The following PI4K2A variants were observed in gnomAD, a reference collection of about 807,000 sequenced individuals.
The protein encoded by PI4K2A is phosphatidylinositol 4-kinase type 2-alpha.
Under a neutral mutation model 55.0 loss-of-function variants are expected in PI4K2A, and 20 were observed. The ratio of observed to expected loss-of-function variants is 0.36; its 90% CI spans 0.26 to 0.53. The LOEUF is 0.53. PI4K2A is among the 20% of genes least tolerant of loss of function. PI4K2A has a pLI of 0.91. For missense variants in PI4K2A, 463 were observed against 637.1 expected, an observed-to-expected ratio of 0.73 and a Z score of 2.94; for synonymous variants, 235 against 258.5, an observed-to-expected ratio of 0.91 and a Z score of 0.87.
chr10:97,651,225 T>G, intron 2 of PI4K2A, 84 bp downstream of exon 2: 1 of 979,954 alleles, frequency 1.0e-6, no homozygotes, highest in Non-Finnish European at 1.6e-6. Flanking sequence ...AGTGGGACCT[T>G]GGGTCCAGTG....
intron 6 of PI4K2A, 152 bp downstream of exon 6, chr10:97,665,136 G>T: frequency 1.8e-6 from 1 of 556,546 alleles, no homozygotes; most frequent in East Asian, 3.0e-5. Flanking sequence ...GCTGGCATAT[G>T]GCAACTATTT....
At chr10:97,668,980 C>T (rs1224045008) in intron 8 of PI4K2A, among the ~76,000 whole-genome samples, 4 of 152,142 alleles carry the variant, frequency 2.6e-5, no homozygotes, top group Non-Finnish European at 5.9e-5. Context: ...ATTCTCCTGC[C>T]TCAGCCTCCC....
intron 5 of PI4K2A, 42 bp from the exon 6 acceptor site, chr10:97,664,843 G>A (rs373952152): frequency 8.9e-6 from 12 of 1,342,278 alleles, no homozygotes; most frequent in South Asian, 7.0e-5. Context: ...GGGCCTGAGG[G>A]AGATGGGTTT....
chr10:97,640,713 C>G, exon 1 of PI4K2A: 2 of 1,433,172 alleles, frequency 1.4e-6, no homozygotes, highest in South Asian at 2.9e-5. Flanking sequence ...GTGTGGAGCG[C>G]GCCGGGTCCC....
At chr10:97,644,081 T>A (rs986385310) in intron 1 of PI4K2A, among the ~76,000 whole-genome samples, 3 of 152,166 alleles carry the variant, frequency 2.0e-5, no homozygotes, top group African/African-American at 7.2e-5. Context: ...ACAGGTGCGG[T>A]GGCTCACGCC....
chr10:97,673,813 A>G, exon 9 of PI4K2A: 1 of 1,423,864 alleles, frequency 7.0e-7, no homozygotes, highest in East Asian at 2.3e-5. Context: ...GGTGCAGGAA[A>G]AGCCAGAGAA....
chr10:97,646,950 ATT>A (rs552575307), intron 1 of PI4K2A, among the ~76,000 whole-genome samples: 2 of 139,868 alleles, frequency 1.4e-5, no homozygotes, highest in Non-Finnish European at 1.6e-5. Flanking sequence ...AATTTTTTCT[ATT>A]TTTTTTTTTT....
intron 6 of PI4K2A, among the ~76,000 whole-genome samples, chr10:97,665,579 CTATT>C (rs1334674899): frequency 6.9e-6 from 1 of 145,236 alleles, no homozygotes; most frequent in African/African-American, 2.6e-5. Context: ...TGGCTGAGGG[CTATT>C]TATTTTTTAT....
intron 4 of PI4K2A, among the ~76,000 whole-genome samples, chr10:97,658,639 A>G (rs1268962794): frequency 6.6e-6 from 1 of 152,190 alleles, no homozygotes; most frequent in South Asian, 2.1e-4. Flanking sequence ...CAGCTGTGCC[A>G]TTTTACATTC....
chr10:97,640,994 G>T, exon 1 of PI4K2A: 1 of 1,541,602 alleles, frequency 6.5e-7, no homozygotes, highest in East Asian at 2.4e-5. Flanking sequence ...CCCAGGCTCT[G>T]GCCGCTCAGG....
chr10:97,642,855 CTTTCTTTCTT>C (rs1393866771), intron 1 of PI4K2A, among the ~76,000 whole-genome samples: 1,475 of 14,262 alleles, frequency 0.1, 108 homozygotes, highest in Admixed American at 0.13. Flanking sequence ...TCCTTCCTTT[CTTTCTTTCTT>C]TTTCTTTCTT....
chr10:97,663,826 T>TAAAAAAAA (rs35736231), intron 5 of PI4K2A, among the ~76,000 whole-genome samples: 1 of 118,304 alleles, frequency 8.5e-6, no homozygotes. Flanking sequence ...TCTCAAAAAT[T>TAAAAAAAA]AAAAAAAAAA....
intron 2 of PI4K2A, among the ~76,000 whole-genome samples, chr10:97,652,155 C>T (rs1278449689): frequency 6.6e-6 from 1 of 152,036 alleles, no homozygotes; most frequent in Admixed American, 6.6e-5. Context: ...CCTATAGACC[C>T]CCTTTCCAGA....
Position 97,641,087 on chromosome 10 carries a change from G to A in PI4K2A, c.345G>A (p.Arg115=), listed in dbSNP as rs549052811. Residue 115 remains arginine (R), a synonymous_variant, in exon 1 of 9, where the codon CGG becomes CGA. Coordinates refer to ENST00000370631, the Ensembl canonical transcript of PI4K2A. ...ATCCTGAGTTCGAGGCGGTGGTGCG[G>A]CAGGCCGAGCTGGCCATCGAGCGCT... 22 of 1,608,266 alleles carry A rather than the reference G, an allele frequency of 1.4e-5. No individual in the cohort carries two copies. In the South Asian group the frequency reaches 2.2e-4, roughly 16 times the overall value.
intron 1 of PI4K2A, among the ~76,000 whole-genome samples, chr10:97,649,150 A>C (rs1317596515): frequency 6.6e-6 from 1 of 152,172 alleles, no homozygotes; most frequent in Non-Finnish European, 1.5e-5. Flanking sequence ...CCCACAGAAA[A>C]ATATCTTATG....
chr10:97,657,485 T>C (rs1383428134), intron 4 of PI4K2A, among the ~76,000 whole-genome samples: 1 of 151,936 alleles, frequency 6.6e-6, no homozygotes, highest in Non-Finnish European at 1.5e-5. Flanking sequence ...CTGGACAACA[T>C]GGTGAAACCC....
chr10:97,666,795 C>G (rs10882980), intron 7 of PI4K2A, among the ~76,000 whole-genome samples: 72,089 of 151,892 alleles, frequency 0.47, 18,226 homozygotes, highest in African/African-American at 0.66. Context: ...TCTCTCCTGT[C>G]CATCATGTGG....
intron 1 of PI4K2A, among the ~76,000 whole-genome samples, chr10:97,647,702 T>C (rs2041512058): frequency 6.6e-6 from 1 of 152,144 alleles, no homozygotes; most frequent in African/African-American, 2.4e-5. Context: ...CTTTTGTTCC[T>C]CCATTCTTCA....
At chr10:97,657,049 G>A in intron 4 of PI4K2A, 75 bp downstream of exon 4, 4 of 1,478,580 alleles carry the variant, frequency 2.7e-6, no homozygotes, top group South Asian at 1.1e-5. Context: ...GGCTTGCAGG[G>A]CTTGGGAGTC....
Sources: gnomAD v4.1 joint callset for allele counts (sites outside exome capture counted in the v4.1 genomes callset) on GRCh38, gnomAD v4.1.1 for gene constraint, MANE v1.5 for transcripts, NCBI Gene and HGNC (gene_info 2026-07-23, HGNC 2026-07-21) for gene names.